The following MARCHF1 variants were observed in gnomAD, a reference collection of about 807,000 sequenced individuals.
MARCHF1 encodes membrane associated ring-CH-type finger 1.
Under a neutral mutation model 54.2 loss-of-function variants are expected in MARCHF1, and 40 were observed. That is an observed-to-expected ratio of 0.74 (90% CI 0.57 to 0.96). The LOEUF (loss-of-function observed/expected upper bound fraction) is 0.96, where lower values mean the gene tolerates loss of function less well. Among genes scored for constraint, MARCHF1 ranks in the 40% least tolerant of loss-of-function variants. MARCHF1 has a pLI of 0.00. For missense variants in MARCHF1, 586 were observed against 656.5 expected (o/e 0.89, Z 1.17); for synonymous variants, 236 against 236.3 (o/e 1.00, Z 0.01).
chr4:164,333,121 T>C (rs1264590638), intron 1 of MARCHF1, among the ~76,000 whole-genome samples: 1 of 152,124 alleles, frequency 6.6e-6, no homozygotes, highest in African/African-American at 2.4e-5. Context: ...GAGTTGGTCA[T>C]TGTCAAAGCT....
intron 1 of MARCHF1, among the ~76,000 whole-genome samples, chr4:164,278,464 T>C (rs989516015): frequency 6.6e-6 from 1 of 152,216 alleles, no homozygotes; most frequent in African/African-American, 2.4e-5. Context: ...GAAAATTACA[T>C]TACATATCAA....
At chr4:163,938,294 C>T (rs781594365) in intron 3 of MARCHF1, among the ~76,000 whole-genome samples, 8 of 152,124 alleles carry the variant, frequency 5.3e-5, no homozygotes, top group Non-Finnish European at 8.8e-5. Context: ...AATGTATATC[C>T]ACAATACAAT....
At chr4:164,214,881 C>A (rs986975278) in intron 1 of MARCHF1, among the ~76,000 whole-genome samples, 1 of 152,144 alleles carries the variant, frequency 6.6e-6, no homozygotes, top group Non-Finnish European at 1.5e-5. Context: ...GTTCCCTTGT[C>A]CCCCTTGCAG....
intron 1 of MARCHF1, among the ~76,000 whole-genome samples, chr4:164,276,873 A>T (rs1275694074): frequency 1.1e-5 from 1 of 91,688 alleles, no homozygotes; most frequent in Non-Finnish European, 3.1e-5. Context: ...TATATATTAC[A>T]TACATATATA....
intron 1 of MARCHF1, among the ~76,000 whole-genome samples, chr4:164,145,840 G>C (rs1399374829): frequency 8.3e-6 from 1 of 120,490 alleles, no homozygotes; most frequent in African/African-American, 3.3e-5. Context: ...GGCAGGAGAA[G>C]GAAATAAAGG....
intron 2 of MARCHF1, among the ~76,000 whole-genome samples, chr4:164,010,830 A>C (rs999585490): frequency 6.6e-6 from 1 of 152,176 alleles, no homozygotes; most frequent in Non-Finnish European, 1.5e-5. Flanking sequence ...AAAAATAACA[A>C]ACTTGGAAAC....
chr4:164,112,466 C>T (rs1204563359), intron 1 of MARCHF1, among the ~76,000 whole-genome samples: 1 of 147,000 alleles, frequency 6.8e-6, no homozygotes, highest in Admixed American at 6.7e-5. Context: ...TCTTAACAAA[C>T]TAAAGTAATA....
At chr4:163,677,108 A>G (rs1039461840) in intron 5 of MARCHF1, among the ~76,000 whole-genome samples, 1 of 152,198 alleles carries the variant, frequency 6.6e-6, no homozygotes, top group Non-Finnish European at 1.5e-5. Flanking sequence ...TTTCAGGGAG[A>G]AATAGGTAGG....
chr4:164,259,333 G>A (rs6838136), intron 1 of MARCHF1, among the ~76,000 whole-genome samples: 141,571 of 151,810 alleles, frequency 0.93, 66,062 homozygotes, highest in African/African-American at 0.96. Flanking sequence ...ATTTAAGGTC[G>A]GGAGTTCAAG....
At chr4:164,079,884 G>A (rs901850633) in intron 2 of MARCHF1, among the ~76,000 whole-genome samples, 1 of 152,090 alleles carries the variant, frequency 6.6e-6, no homozygotes, top group African/African-American at 2.4e-5. Context: ...AATGAATAAT[G>A]TTATGAACAA....
chr4:163,682,411 A>G (rs1744133688), intron 5 of MARCHF1, among the ~76,000 whole-genome samples: 1 of 152,174 alleles, frequency 6.6e-6, no homozygotes, highest in African/African-American at 2.4e-5. Flanking sequence ...AAATGTCTCT[A>G]GGGCACGGCA....
At chr4:163,806,834 G>GA (rs199634103) in intron 4 of MARCHF1, among the ~76,000 whole-genome samples, 149 of 151,622 alleles carry the variant, frequency 9.8e-4, no homozygotes, top group Non-Finnish European at 1.9e-3. Context: ...GCTCATGATA[G>GA]AAAAAAAATT....
At chr4:164,192,585 C>T (rs1259007253) in intron 1 of MARCHF1, among the ~76,000 whole-genome samples, 1 of 152,006 alleles carries the variant, frequency 6.6e-6, no homozygotes, top group East Asian at 1.9e-4. Flanking sequence ...TTTCAAGTGG[C>T]AAGTTACAAG....
At position 163,612,374 on chromosome 4, in the gene MARCHF1, C is replaced by G; in HGVS notation, c.907G>C (p.Glu303Gln). The G allele has an allele frequency of 6.5e-7, 1 of 1,535,422 alleles. No homozygotes were observed. Among genetic ancestry groups the G allele is most frequent in the South Asian group, 1.2e-5 (1 of 84,038 alleles). ...GCATCATTCATGTCCTTGCTGCCTT[C>G]TGGAACTCCCAGTATTTCAGTGCTG... The part of the protein sequence containing the change: ...DSSTEILGVP[E>Q]GSKDMNDAGL... The change falls in exon 7 of 10, where the codon GAA becomes CAA. Residue 303 changes from glutamate to glutamine, a missense_variant. By Grantham distance (29) the Glu-to-Gln change is conservative. Around this residue, in one of 3 missense-constraint regions of MARCHF1, gnomAD observed 387 missense variants for 394.6 expected, o/e 0.98. Coordinates refer to ENST00000514618, the MANE Select transcript of MARCHF1 (RefSeq NM_001394959.1).
chr4:164,305,444 T>G (rs1169490059), intron 1 of MARCHF1, among the ~76,000 whole-genome samples: 2 of 152,102 alleles, frequency 1.3e-5, no homozygotes, highest in Non-Finnish European at 2.9e-5. Context: ...AATTATGTAA[T>G]CAGCAAAGTG....
intron 2 of MARCHF1, among the ~76,000 whole-genome samples, chr4:164,068,213 T>C (rs140150865): frequency 3.1e-4 from 47 of 152,302 alleles, no homozygotes; most frequent in Non-Finnish European, 5.6e-4. Context: ...AGCAATCCCA[T>C]TGAGAGGTGA....
intron 3 of MARCHF1, among the ~76,000 whole-genome samples, chr4:163,928,685 T>G (rs1384545175): frequency 6.6e-6 from 1 of 151,944 alleles, no homozygotes; most frequent in African/African-American, 2.4e-5. Flanking sequence ...CTGATTTAAT[T>G]TATGTATCAA....
intron 1 of MARCHF1, among the ~76,000 whole-genome samples, chr4:164,350,793 C>T (rs1172045591): frequency 6.6e-6 from 1 of 152,146 alleles, no homozygotes; most frequent in Non-Finnish European, 1.5e-5. Context: ...CTCCGGTCTA[C>T]AGCTCCCAGC....
chr4:163,743,566 T>C (rs1249596552), intron 4 of MARCHF1, among the ~76,000 whole-genome samples: 1 of 147,002 alleles, frequency 6.8e-6, no homozygotes, highest in Non-Finnish European at 1.5e-5. Context: ...AATGGAAAGA[T>C]GATACACCAT....
Sources: allele counts gnomAD v4.1 joint callset (sites outside exome capture counted in the v4.1 genomes callset), GRCh38; gene constraint gnomAD v4.1.1; regional missense constraint gnomAD v4.1.1; transcripts MANE v1.5; gene names NCBI Gene and HGNC (gene_info 2026-07-23, HGNC 2026-07-21).